EPHA6: variants seen among roughly 807,000 people sequenced by gnomAD.
EPHA6 encodes the protein ephrin type-A receptor 6.
In EPHA6, 50 loss-of-function variants were observed where a neutral mutation model predicts 112.0. That is an observed-to-expected ratio of 0.45 (90% CI 0.36 to 0.56). The LOEUF (loss-of-function observed/expected upper bound fraction) is 0.56. EPHA6 is among the 20% of genes least tolerant of loss of function. The pLI is 0.00. For missense variants in EPHA6, 1,280 were observed against 1,417.4 expected (o/e 0.90, Z 1.56); for synonymous variants, 529 against 490.7 (o/e 1.08, Z -1.03).
chr3:97,551,084 A>G (rs2093022540), intron 11 of EPHA6, among the ~76,000 whole-genome samples: 1 of 152,178 alleles, frequency 6.6e-6, no homozygotes, highest in East Asian at 1.9e-4. Flanking sequence ...CAGCAATCAT[A>G]TTTTAGCTGT....
At chr3:97,548,038 G>C (rs1008315320) in intron 11 of EPHA6, among the ~76,000 whole-genome samples, 1 of 152,176 alleles carries the variant, frequency 6.6e-6, no homozygotes, top group African/African-American at 2.4e-5. Context: ...GCCTCGCCCT[G>C]CTTTGGCTCA....
chr3:97,593,287 AAT>A (rs2093561064), intron 12 of EPHA6, among the ~76,000 whole-genome samples: 1 of 152,248 alleles, frequency 6.6e-6, no homozygotes, highest in South Asian at 2.1e-4. Flanking sequence ...AGAGAAACAA[AAT>A]ATAGGATATT....
chr3:97,070,350 A>C (rs1258485413), intron 3 of EPHA6, among the ~76,000 whole-genome samples: 1 of 152,150 alleles, frequency 6.6e-6, no homozygotes, highest in Non-Finnish European at 1.5e-5. Flanking sequence ...TGTATTTTAT[A>C]GTTGGAAATT....
chr3:97,489,318 A>G (rs1465140856), intron 10 of EPHA6, among the ~76,000 whole-genome samples: 2 of 152,260 alleles, frequency 1.3e-5, no homozygotes, highest in African/African-American at 2.4e-5. Flanking sequence ...GAAAATTAGT[A>G]ATTGAAATGA....
chr3:96,996,377 T>C (rs994959533), intron 3 of EPHA6, among the ~76,000 whole-genome samples: 1 of 152,156 alleles, frequency 6.6e-6, no homozygotes, highest in Non-Finnish European at 1.5e-5. Context: ...CTTAATGGTA[T>C]CTAGAGTGTT....
intron 5 of EPHA6, among the ~76,000 whole-genome samples, chr3:97,327,120 C>G (rs1251118943): frequency 6.6e-6 from 1 of 151,896 alleles, no homozygotes; most frequent in Non-Finnish European, 1.5e-5. Context: ...AAATTCAGCT[C>G]TATTTTGAAT....
intron 14 of EPHA6, among the ~76,000 whole-genome samples, chr3:97,684,633 G>A (rs979111714): frequency 6.6e-6 from 1 of 152,234 alleles, no homozygotes; most frequent in East Asian, 1.9e-4. Context: ...ACACCCATCT[G>A]CCCTCCATGC....
At chr3:96,946,971 T>G (rs967557467) in intron 2 of EPHA6, among the ~76,000 whole-genome samples, 1 of 152,192 alleles carries the variant, frequency 6.6e-6, no homozygotes, top group African/African-American at 2.4e-5. Flanking sequence ...CATAAATGTC[T>G]TCTTTTGAGA....
chr3:97,421,228 TA>T (rs36098305), intron 6 of EPHA6, among the ~76,000 whole-genome samples: 3 of 152,052 alleles, frequency 2.0e-5, no homozygotes, highest in African/African-American at 7.2e-5. Context: ...TATATGTTGT[TA>T]AAAAAACCCC....
At chr3:97,483,823 CATTAT>C in intron 9 of EPHA6, 106 bp from the exon 10 acceptor site, 1 of 1,132,620 alleles carries the variant, frequency 8.8e-7, no homozygotes, top group Non-Finnish European at 1.2e-6. Flanking sequence ...GACTTTAAAT[CATTAT>C]CAAGACTGAC....
At chr3:97,065,608 T>A (rs1336705095) in intron 3 of EPHA6, among the ~76,000 whole-genome samples, 2 of 152,034 alleles carry the variant, frequency 1.3e-5, no homozygotes, top group Non-Finnish European at 2.9e-5. Flanking sequence ...ATACTTAGAC[T>A]CTGATAGTAT....
At chr3:97,351,978 G>A (rs988731640) in intron 5 of EPHA6, among the ~76,000 whole-genome samples, 2 of 151,894 alleles carry the variant, frequency 1.3e-5, no homozygotes, top group Non-Finnish European at 2.9e-5. Context: ...GTATAGCATG[G>A]GTCATGGAAA....
intron 5 of EPHA6, among the ~76,000 whole-genome samples, chr3:97,293,748 G>A (rs1366855499): frequency 2.0e-5 from 3 of 152,346 alleles, no homozygotes; most frequent in South Asian, 4.1e-4. Flanking sequence ...CTGGCTCACA[G>A]GAGGGGTTTC....
At chr3:96,817,643 C>CT (rs1220295409) in intron 1 of EPHA6, among the ~76,000 whole-genome samples, 1 of 151,736 alleles carries the variant, frequency 6.6e-6, no homozygotes, top group African/African-American at 2.4e-5. Context: ...TTATATGTAA[C>CT]TTCTTCCTGA....
intron 3 of EPHA6, among the ~76,000 whole-genome samples, chr3:97,105,914 G>GTCTCTTTTCA (rs1400461536): frequency 6.6e-6 from 1 of 151,982 alleles, no homozygotes; most frequent in Non-Finnish European, 1.5e-5. Context: ...GCCTTTCTTT[G>GTCTCTTTTCA]TCTCTTTTCA....
chr3:97,575,780 C>T (rs935046468), intron 11 of EPHA6, among the ~76,000 whole-genome samples: 2 of 151,932 alleles, frequency 1.3e-5, no homozygotes, highest in Non-Finnish European at 2.9e-5. Context: ...GAAATATAAG[C>T]ACGGAAATTA....
At chr3:97,441,494 T>C in intron 6 of EPHA6, 1 of 891,734 alleles carries the variant, frequency 1.1e-6, no homozygotes, top group South Asian at 5.2e-5. Context: ...ATAATTATAT[T>C]TAACCATAAC....
chr3:97,006,744 G>T (rs980463835), intron 3 of EPHA6, among the ~76,000 whole-genome samples: 1 of 152,098 alleles, frequency 6.6e-6, no homozygotes, highest in Non-Finnish European at 1.5e-5. Flanking sequence ...TGGGCATTTA[G>T]TGCTATAAAT....
intron 10 of EPHA6, among the ~76,000 whole-genome samples, chr3:97,521,579 T>C (rs1440233036): frequency 2.0e-5 from 3 of 152,142 alleles, no homozygotes; most frequent in Non-Finnish European, 4.4e-5. Context: ...CTGTCTATCA[T>C]GAGAACAGCA....
Sources: gnomAD v4.1 joint callset for allele counts (sites outside exome capture counted in the v4.1 genomes callset) on GRCh38, gnomAD v4.1.1 for gene constraint, MANE v1.5 for transcripts, NCBI Gene and HGNC (gene_info 2026-07-23, HGNC 2026-07-21) for gene names.